Variants in VWC2 observed in about 807,000 individuals in gnomAD.
VWC2 encodes von Willebrand factor C domain containing 2.
Under a neutral mutation model 29.8 loss-of-function variants are expected in VWC2, and 14 were observed. That is an observed-to-expected ratio of 0.47 (90% confidence interval 0.31 to 0.74). The LOEUF is 0.74. VWC2 is among the 30% of genes least tolerant of loss of function. VWC2 has a pLI of 0.05. For missense variants in VWC2, 457 were observed against 459.8 expected, an observed-to-expected ratio of 0.99 and a Z score of 0.05; for synonymous variants, 213 against 199.0, an observed-to-expected ratio of 1.07 and a Z score of -0.59.
At chr7:49,896,282 A>G (rs1187755779) in intron 3 of VWC2, among the ~76,000 whole-genome samples, 1 of 152,224 alleles carries the variant, frequency 6.6e-6, no homozygotes, top group African/African-American at 2.4e-5. Context: ...TGGAGGTTGC[A>G]GTGAGCTGAG....
At chr7:49,781,687 T>G (rs898560631) in intron 2 of VWC2, among the ~76,000 whole-genome samples, 1 of 152,174 alleles carries the variant, frequency 6.6e-6, no homozygotes, top group Non-Finnish European at 1.5e-5. Context: ...GGAGAACATT[T>G]CAGGTACCCG....
At chr7:49,826,144 G>T (rs1789386329) in intron 3 of VWC2, among the ~76,000 whole-genome samples, 2 of 152,130 alleles carry the variant, frequency 1.3e-5, no homozygotes, top group Admixed American at 1.3e-4. Flanking sequence ...TAGGTTTTCT[G>T]CCTGCTTTTG....
intron 3 of VWC2, among the ~76,000 whole-genome samples, chr7:49,863,604 G>C (rs374085620): frequency 3.3e-5 from 5 of 151,982 alleles, no homozygotes; most frequent in African/African-American, 1.2e-4. Flanking sequence ...GATAAATTTT[G>C]TATTTTGTGT....
intron 2 of VWC2, among the ~76,000 whole-genome samples, chr7:49,799,892 C>T (rs1788696670): frequency 6.6e-6 from 1 of 152,158 alleles, no homozygotes; most frequent in Non-Finnish European, 1.5e-5. Flanking sequence ...AAACTGTAAG[C>T]AGTTATAACA....
At chr7:49,793,823 G>C (rs1404046576) in intron 2 of VWC2, among the ~76,000 whole-genome samples, 1 of 152,152 alleles carries the variant, frequency 6.6e-6, no homozygotes, top group Non-Finnish European at 1.5e-5. Context: ...CAACTGAGAA[G>C]GGACACAGAG....
At chr7:49,803,269 C>T (rs561362302) in intron 3 of VWC2, among the ~76,000 whole-genome samples, 1 of 152,328 alleles carries the variant, frequency 6.6e-6, no homozygotes, top group East Asian at 1.9e-4. Context: ...AGAGTCCCTT[C>T]CTATTCCCAG....
chr7:49,853,526 G>GT (rs1484608180), intron 3 of VWC2, among the ~76,000 whole-genome samples: 1 of 151,740 alleles, frequency 6.6e-6, no homozygotes, highest in African/African-American at 2.4e-5. Context: ...TAGGTCCTAA[G>GT]TTTTTGGTTT....
intron 2 of VWC2, among the ~76,000 whole-genome samples, chr7:49,794,392 A>G (rs189809066): frequency 9.2e-5 from 14 of 152,322 alleles, no homozygotes; most frequent in Admixed American, 9.2e-4. Flanking sequence ...ACAGTTGAGG[A>G]CATTGAGACG....
chr7:49,913,815 A>G lies in VWC2; in HGVS notation c.*1630A>G, dbSNP rs1300777486. 6.6e-6 allele frequency: 1 copy of G among 152,234 alleles called. No homozygotes were observed. The highest frequency in any genetic ancestry group is 1.5e-5 in the Non-Finnish European group (1 of 68,036). The allele number at this position is 152,234 out of a possible 1,614,324, so 9.4% of individuals were successfully genotyped here. ...CATTAAAGACTGAATAACATTCAAG[A>G]AAAATGGATACATCTATCATAATTG... On this transcript the variant is annotated 3_prime_UTR_variant, in exon 4 of 4. Coordinates refer to ENST00000340652, the MANE Select transcript of VWC2 (RefSeq NM_198570.5).
chr7:49,827,711 A>G (rs1211908227), intron 3 of VWC2, among the ~76,000 whole-genome samples: 1 of 152,114 alleles, frequency 6.6e-6, no homozygotes, highest in African/African-American at 2.4e-5. Flanking sequence ...GGCTCCTCTT[A>G]ATAATGGCCT....
chr7:49,850,056 G>A (rs1185220203), intron 3 of VWC2, among the ~76,000 whole-genome samples: 1 of 152,122 alleles, frequency 6.6e-6, no homozygotes, highest in Non-Finnish European at 1.5e-5. Context: ...CACAGGTGCA[G>A]GAAGACTAAG....
At position 49,776,103 on chromosome 7, in the gene VWC2, A is replaced by G; in HGVS notation, c.668A>G (p.Lys223Arg). 1 of 1,539,586 alleles carries G rather than the reference A, an allele frequency of 6.5e-7. No individual in the cohort carries two copies. The highest frequency in any genetic ancestry group is 8.7e-7 in the Non-Finnish European group (1 of 1,146,522). ...AAGAACTACTGCGAGTTCCGGGGCA[A>G]GACCTATCAGACTTTGGAGGAGTTC... is the stretch of plus-strand genomic sequence containing the variant. ...ERKNYCEFRGKTYQTLEEFVV... is the reference protein window; with the variant it reads ...ERKNYCEFRGRTYQTLEEFVV... Residue 223 changes from lysine to arginine, a missense_variant, in exon 2 of 4, where the codon AAG (lysine) becomes AGG (arginine). By Grantham distance (26) the Lys-to-Arg change is conservative (BLOSUM62 2). Coordinates refer to ENST00000340652, the MANE Select transcript of VWC2 (RefSeq NM_198570.5).
chr7:49,780,481 T>C (rs1050127549), intron 2 of VWC2, among the ~76,000 whole-genome samples: 5 of 152,234 alleles, frequency 3.3e-5, no homozygotes, highest in African/African-American at 1.2e-4. Context: ...ATGGGAATCT[T>C]GGTCTCCTGG....
intron 3 of VWC2, among the ~76,000 whole-genome samples, chr7:49,842,192 A>G (rs1255103667): frequency 1.3e-5 from 2 of 152,156 alleles, no homozygotes; most frequent in African/African-American, 2.4e-5. Flanking sequence ...AAGTGATGTC[A>G]TTAGTGTTAT....
intron 3 of VWC2, among the ~76,000 whole-genome samples, chr7:49,855,413 G>C (rs1242681612): frequency 6.6e-6 from 1 of 152,118 alleles, no homozygotes; most frequent in Non-Finnish European, 1.5e-5. Flanking sequence ...AGCATCTCTG[G>C]GTGGGAGTTT....
intron 3 of VWC2, among the ~76,000 whole-genome samples, chr7:49,837,961 C>T (rs538847664): frequency 6.6e-6 from 1 of 152,280 alleles, no homozygotes; most frequent in East Asian, 1.9e-4. Flanking sequence ...AAAAATCTGC[C>T]TATAACTTTC....
intron 3 of VWC2, among the ~76,000 whole-genome samples, chr7:49,848,553 G>A (rs144604103): frequency 3.9e-5 from 6 of 152,304 alleles, no homozygotes; most frequent in Admixed American, 6.5e-5. Flanking sequence ...CTGCTCTCTC[G>A]TTTCCTGGTT....
At chr7:49,818,336 T>A (rs186622539) in intron 3 of VWC2, among the ~76,000 whole-genome samples, 56 of 152,362 alleles carry the variant, frequency 3.7e-4, no homozygotes, top group Admixed American at 1.8e-3. Flanking sequence ...GTCTCAGACA[T>A]CGTTACTCAG....
intron 2 of VWC2, among the ~76,000 whole-genome samples, chr7:49,786,373 C>A (rs1028022322): frequency 1.3e-5 from 2 of 152,172 alleles, no homozygotes; most frequent in African/African-American, 4.8e-5. Context: ...TTTTATTTAT[C>A]CAATCCACCG....
Sources: allele counts gnomAD v4.1 joint callset (sites outside exome capture counted in the v4.1 genomes callset), GRCh38; gene constraint gnomAD v4.1.1; transcripts MANE v1.5; gene names NCBI Gene and HGNC (gene_info 2026-07-23, HGNC 2026-07-21).